The following RPF2 variants were observed in gnomAD, a reference collection of about 807,000 sequenced individuals.
RPF2 encodes brix domain containing 1.
Under a neutral mutation model 38.9 loss-of-function variants are expected in RPF2, and 21 were observed. The observed-to-expected ratio is 0.54, with a 90% CI of 0.38 to 0.78. The LOEUF is 0.78. Ranked by LOEUF, RPF2 falls within the 30% of genes least tolerant of loss-of-function variation. The pLI, the probability that RPF2 is intolerant of heterozygous loss-of-function variation, is 0.00. For synonymous variants in RPF2, 121 were observed against 126.2 expected (o/e 0.96, Z 0.28); for missense variants, 314 against 358.1 (o/e 0.88, Z 0.99).
At chr6:111,020,928 G>C (rs1441262692) in intron 8 of RPF2, among the ~76,000 whole-genome samples, 3 of 152,176 alleles carry the variant, frequency 2.0e-5, no homozygotes, top group Non-Finnish European at 4.4e-5. Flanking sequence ...GCAGCCCTTT[G>C]GGAGACTGAG....
chr6:111,008,706 C>T (rs1771959606), intron 7 of RPF2, among the ~76,000 whole-genome samples: 1 of 152,018 alleles, frequency 6.6e-6, no homozygotes, highest in Non-Finnish European at 1.5e-5. Context: ...AATATATAAC[C>T]AATGTAGCTT....
chr6:111,017,171 T>C (rs1278577209), intron 8 of RPF2, among the ~76,000 whole-genome samples: 1 of 152,342 alleles, frequency 6.6e-6, no homozygotes, highest in East Asian at 1.9e-4. Context: ...ATCGTCATCA[T>C]GGCCCGTTCT....
At chr6:111,022,895 C>CT (rs1772258487) in intron 8 of RPF2, among the ~76,000 whole-genome samples, 1 of 152,226 alleles carries the variant, frequency 6.6e-6, no homozygotes, top group African/African-American at 2.4e-5. Flanking sequence ...TCCCTGATTT[C>CT]TTTTTTTGTT....
Position 110,991,779 on chromosome 6 carries a change from C to A in RPF2, c.227C>A (p.Thr76Lys). Residue 76 changes from threonine (T) to lysine (K), a missense_variant, in exon 4 of 10, where the codon ACA becomes AAA. By Grantham distance (78) the Thr-to-Lys change is moderately conservative. Coordinates refer to ENST00000441448, the MANE Select transcript of RPF2 (RefSeq NM_032194.3). The part of the protein sequence containing the change: ...KNITRPFEDQ[T>K]SLEFFSKKSD... ...ATTACAAGACCTTTTGAGGATCAGA[C>A]ATCACTGGTAAGTATAATAATCTTT... 2 of 1,220,066 alleles carry A rather than the reference C, an allele frequency of 1.6e-6. No homozygotes were observed. The highest frequency in any genetic ancestry group is 2.6e-5 in the East Asian group (1 of 38,386). 75.6% of individuals were successfully genotyped at this position (1,220,066 alleles called of 1,614,324 possible).
At chr6:110,986,412 G>A (rs1771526805) in intron 2 of RPF2, among the ~76,000 whole-genome samples, 1 of 152,214 alleles carries the variant, frequency 6.6e-6, no homozygotes, top group African/African-American at 2.4e-5. Context: ...GTTGAGGAAA[G>A]AAGAGTTGGG....
intron 8 of RPF2, among the ~76,000 whole-genome samples, chr6:111,023,056 G>A (rs1171216860): frequency 5.9e-5 from 9 of 152,110 alleles, no homozygotes; most frequent in East Asian, 3.9e-4. Flanking sequence ...GTGCCACCAC[G>A]CCTGGCTAAT....
At chr6:111,002,631 C>T (rs1301922279) in intron 6 of RPF2, among the ~76,000 whole-genome samples, 2 of 152,138 alleles carry the variant, frequency 1.3e-5, no homozygotes, top group Non-Finnish European at 2.9e-5. Context: ...CTGCACCCAG[C>T]CCAGGTCTCA....
chr6:111,023,723 C>T (rs1159615389), intron 8 of RPF2, among the ~76,000 whole-genome samples: 2 of 152,132 alleles, frequency 1.3e-5, no homozygotes, highest in African/African-American at 4.8e-5. Context: ...CATGGTGGCT[C>T]ATGCCTGTAA....
chr6:111,016,670 C>CTTTTTT (rs71021821), intron 8 of RPF2, among the ~76,000 whole-genome samples: 4 of 122,158 alleles, frequency 3.3e-5, no homozygotes, highest in African/African-American at 9.7e-5. Flanking sequence ...AATTGTGGTT[C>CTTTTTT]TTTTTTTTTT....
In RPF2 at chr6:111,025,482, G is replaced by A. The variant is rs916953991; in HGVS notation, c.821G>A (p.Ser274Asn). Reference protein sequence around the residue: ...GRIHMQKQDLSKLQTRKMKGL... With the variant: ...GRIHMQKQDLNKLQTRKMKGL... ...ATTCATATGCAGAAGCAAGACCTAA[G>A]CAAACTACAAACCAGGAAAATGAAG... The change falls in exon 10 of 10, where the codon AGC (serine) becomes AAC (asparagine). Residue 274 changes from serine (S) to asparagine (N), a missense_variant. By Grantham distance (46) the Ser-to-Asn change is conservative (BLOSUM62 1). Transcript: ENST00000441448. 3.1e-6 allele frequency: 5 copies of A among 1,613,356 alleles called. No homozygotes were observed. Among genetic ancestry groups the A allele is most frequent in the Non-Finnish European group, 4.2e-6 (5 of 1,179,678 alleles).
chr6:110,985,678 G>A (rs760608082), intron 2 of RPF2, among the ~76,000 whole-genome samples: 4 of 152,092 alleles, frequency 2.6e-5, no homozygotes, highest in East Asian at 3.9e-4. Context: ...GGTGGTTCAC[G>A]CCTGTAATCC....
chr6:111,006,053 G>C (rs1038935865), intron 6 of RPF2, among the ~76,000 whole-genome samples: 1 of 151,346 alleles, frequency 6.6e-6, no homozygotes, highest in African/African-American at 2.4e-5. Flanking sequence ...TGATGCGCCT[G>C]CCTCAGCCTC....
At chr6:111,015,263 C>G (rs1242502004) in intron 7 of RPF2, among the ~76,000 whole-genome samples, 1 of 152,098 alleles carries the variant, frequency 6.6e-6, no homozygotes, top group Non-Finnish European at 1.5e-5. Context: ...TCTTTTCTGG[C>G]ATTAACAGTT....
chr6:111,012,173 TTTTTC>T (rs1240354074), intron 7 of RPF2, among the ~76,000 whole-genome samples: 1 of 150,242 alleles, frequency 6.7e-6, no homozygotes, highest in East Asian at 2.0e-4. Flanking sequence ...TTTTTTTTTT[TTTTTC>T]TTTTTTTGAG....
chr6:111,017,247 A>G (rs1208190351), intron 8 of RPF2, among the ~76,000 whole-genome samples: 2 of 151,840 alleles, frequency 1.3e-5, no homozygotes, highest in African/African-American at 4.8e-5. Context: ...CTCACTTCCC[A>G]GAAGGGGTGG....
At chr6:110,993,976 A>G (rs1474409056) in intron 4 of RPF2, among the ~76,000 whole-genome samples, 2 of 152,176 alleles carry the variant, frequency 1.3e-5, no homozygotes, top group Non-Finnish European at 2.9e-5. Flanking sequence ...TGGTTTTTAC[A>G]TTTTTAAAGA....
In RPF2 at chr6:110,986,424, A is replaced by G. The variant is rs144847265; in HGVS notation, c.156+1286A>G. 4.0e-3 allele frequency among the ~76,000 whole-genome samples: 605 copies of G among 152,330 alleles called. 3 individuals carry two copies. Among genetic ancestry groups the G allele is most frequent in the Middle Eastern group, 0.017 (5 of 294 alleles). On this transcript the variant is annotated intron_variant, in intron 2 of 9. Transcript: ENST00000441448. ...GATGTTGAGGAAAGAAGAGTTGGGA[A>G]CTAGTGAAAAGTATGACTTCCCAGG...
chr6:111,024,827 AAG>A (rs1461094568), intron 9 of RPF2, among the ~76,000 whole-genome samples: 1 of 152,200 alleles, frequency 6.6e-6, no homozygotes, highest in Non-Finnish European at 1.5e-5. Flanking sequence ...ATAATAAAAA[AAG>A]AGTTGCAAAA....
At chr6:111,012,377 G>A (rs79343738) in intron 7 of RPF2, among the ~76,000 whole-genome samples, 12 of 151,884 alleles carry the variant, frequency 7.9e-5, no homozygotes, top group Admixed American at 7.2e-4. Context: ...TTGCTGCATT[G>A]CTTGGGCTGG....
Sources: gnomAD v4.1 joint callset for allele counts (sites outside exome capture counted in the v4.1 genomes callset) on GRCh38, gnomAD v4.1.1 for gene constraint, MANE v1.5 for transcripts, NCBI Gene and HGNC (gene_info 2026-07-23, HGNC 2026-07-21) for gene names.